Variants in WDR1 observed in about 807,000 individuals in gnomAD.
WDR1 encodes the protein WD repeat domain 1, also known as WD repeat-containing protein 1.
WDR1 carries 21 observed loss-of-function variants against 71.9 expected under a neutral mutation model. The observed-to-expected ratio is 0.29, with a 90% CI of 0.21 to 0.42. WDR1 has a LOEUF of 0.42. Ranked by LOEUF, WDR1 falls within the 10% of genes least tolerant of loss-of-function variation. The pLI is 1.00. For synonymous variants in WDR1, 424 were observed against 347.4 expected, an observed-to-expected ratio of 1.22 and a Z score of -2.45; for missense variants, 696 against 824.5, an observed-to-expected ratio of 0.84 and a Z score of 1.91.
chr4:10,089,722 T>A lies in WDR1; in HGVS notation c.559-981A>T, dbSNP rs114245057. ...TGCTCAGCAGGTACGAACACTAACC[T>A]TCAGGAAAAGCAATTCAACCCCAAG... On this transcript the variant is annotated intron_variant, in intron 5 of 14. Coordinates refer to ENST00000499869, the MANE Select transcript of WDR1 (RefSeq NM_017491.5). Among the ~76,000 whole-genome samples the A allele has an allele frequency of 4.1e-3, 618 of 152,254 alleles. 5 individuals carry two copies. Among genetic ancestry groups the A allele is most frequent in the African/African-American group, 0.014 (592 of 41,554 alleles).
chr4:10,079,468 C>G (rs188898275), intron 11 of WDR1, among the ~76,000 whole-genome samples: 1 of 152,366 alleles, frequency 6.6e-6, no homozygotes, highest in Admixed American at 6.5e-5. Context: ...TTATGCTGCA[C>G]GCCCAAGGCT....
chr4:10,098,050 G>A (rs62288520), intron 4 of WDR1, among the ~76,000 whole-genome samples, 159 bp from the exon 5 acceptor site: 25,002 of 152,084 alleles, frequency 0.16, 2,555 homozygotes, highest in Middle Eastern at 0.24. Flanking sequence ...GGGAAGCACT[G>A]GGGTTCTGGC....
chr4:10,110,268 C>A (rs1364146810), intron 2 of WDR1, among the ~76,000 whole-genome samples: 3 of 152,210 alleles, frequency 2.0e-5, no homozygotes, highest in African/African-American at 7.2e-5. Context: ...GCACACAGGG[C>A]CCTTTCCTGT....
At chr4:10,110,505 C>G (rs1713285007) in intron 2 of WDR1, among the ~76,000 whole-genome samples, 1 of 152,178 alleles carries the variant, frequency 6.6e-6, no homozygotes, top group African/African-American at 2.4e-5. Context: ...CTGAGAGGAC[C>G]CAGGTACACA....
rs1316000842 is a variant in WDR1 at position 10,116,002 on chromosome 4, C to A, written c.138+111G>T. The A allele has an allele frequency of 4.4e-5, 63 of 1,445,894 alleles. No individual in the cohort carries two copies. The Middle Eastern group carries it at 1.7e-3, about 40-fold the overall frequency. The allele number at this position is 1,445,894 out of a possible 1,614,324, so 89.6% of individuals were successfully genotyped here. Reference sequence around the variant, plus strand: ...CTCCCGGTAGAGGGGGCGTGGCGCCCTCACCCTCCCCGGGCCAATGGGCAG... The same window carrying A: ...CTCCCGGTAGAGGGGGCGTGGCGCCATCACCCTCCCCGGGCCAATGGGCAG... On this transcript the variant is annotated intron_variant, in intron 2 of 14. Transcript: ENST00000499869.
At chr4:10,084,213 A>G (rs1324803420) in intron 9 of WDR1, among the ~76,000 whole-genome samples, 3 of 152,138 alleles carry the variant, frequency 2.0e-5, no homozygotes, top group Non-Finnish European at 4.4e-5. Context: ...GGAGCCGCCC[A>G]TGGCTTTTCC....
intron 2 of WDR1, 42 bp from the exon 3 acceptor site, chr4:10,104,028 G>A: frequency 6.4e-7 from 1 of 1,553,064 alleles, no homozygotes; most frequent in Non-Finnish European, 8.7e-7. Context: ...GAATGGAGAA[G>A]CAGTCAAGCT....
At position 10,075,349 on chromosome 4, in the gene WDR1, G is replaced by A. The variant is rs757524112; in HGVS notation, c.*29C>T. On this transcript the variant is annotated 3_prime_UTR_variant, in exon 15 of 15. Coordinates refer to ENST00000499869, the MANE Select transcript of WDR1 (RefSeq NM_017491.5). The stretch of plus-strand genomic sequence containing the variant: ...GCAGTTAAACTCTAGTCCCTGATTC[G>A]GTCCATCCAGAGGCGGGGGTGGGGC... 4.1e-5 allele frequency: 66 copies of A among 1,598,512 alleles called. No homozygotes were observed. In the Middle Eastern group the frequency reaches 4.9e-4, roughly 12 times the overall value.
At chr4:10,095,543 CATGGAGAGCACG>C (rs1191092238) in intron 5 of WDR1, among the ~76,000 whole-genome samples, 11 of 152,186 alleles carry the variant, frequency 7.2e-5, no homozygotes, top group African/African-American at 2.2e-4. Flanking sequence ...TGGGGTTGGT[CATGGAGAGCACG>C]ACCGCAGCTT....
chr4:10,111,291 C>T (rs1432257747), intron 2 of WDR1, among the ~76,000 whole-genome samples: 1 of 152,182 alleles, frequency 6.6e-6, no homozygotes, highest in African/African-American at 2.4e-5. Flanking sequence ...CAGTAACAGC[C>T]CATAAGCACC....
At chr4:10,111,756 G>A (rs555885251) in intron 2 of WDR1, among the ~76,000 whole-genome samples, 7 of 152,244 alleles carry the variant, frequency 4.6e-5, no homozygotes, top group African/African-American at 1.7e-4. Context: ...AATGGTGGCA[G>A]CTCACACCAA....
rs1214364716 is a variant in WDR1, at chr4:10,098,950, C to A, written c.377+42G>T. On this transcript the variant is annotated intron_variant, in intron 4 of 14. Coordinates refer to ENST00000499869, the MANE Select transcript of WDR1 (RefSeq NM_017491.5). ...GGGTCATAGCACATGGACGCATGAGCCACAGCAACAGGGCAGGGAGGGGCT... is the reference window on the plus strand; with the variant it reads ...GGGTCATAGCACATGGACGCATGAGACACAGCAACAGGGCAGGGAGGGGCT... The A allele has an allele frequency of 3.1e-6, 5 of 1,612,342 alleles. No individual in the cohort carries two copies. The East Asian group carries it at 6.7e-5, about 22-fold the overall frequency.
At chr4:10,075,511 A>G in intron 14 of WDR1, 27 bp from the exon 15 acceptor site, 1 of 1,607,296 alleles carries the variant, frequency 6.2e-7, no homozygotes, top group Non-Finnish European at 8.5e-7. Flanking sequence ...CAATTTAACG[A>G]AAAGCCAAAC....
intron 9 of WDR1, 125 bp downstream of exon 9, chr4:10,084,318 G>T: frequency 1.2e-6 from 1 of 821,652 alleles, no homozygotes; most frequent in Non-Finnish European, 2.0e-6. Flanking sequence ...ACACGGGTCA[G>T]AAGAGCGTGT....
intron 10 of WDR1, among the ~76,000 whole-genome samples, chr4:10,082,763 G>A (rs1404488087): frequency 6.6e-6 from 1 of 152,234 alleles, no homozygotes; most frequent in Non-Finnish European, 1.5e-5. Context: ...GAACAGGGCT[G>A]TGATCTGCTG....
chr4:10,113,084 G>A (rs773481299), intron 2 of WDR1, among the ~76,000 whole-genome samples: 3 of 152,252 alleles, frequency 2.0e-5, no homozygotes, highest in Admixed American at 6.5e-5. Flanking sequence ...GGCCTAGTGT[G>A]GTGGCTCACG....
Position 10,074,986 on chromosome 4 carries a change from G to A in WDR1, c.*392C>T, listed in dbSNP as rs1023452091. ...TAGTACAGAAATGTTCTGCAGGCAGGAACATGAGCCCCCCGGCTCATTCAC... is the reference window on the plus strand; with the variant it reads ...TAGTACAGAAATGTTCTGCAGGCAGAAACATGAGCCCCCCGGCTCATTCAC... On this transcript the variant is annotated 3_prime_UTR_variant, in exon 15 of 15. Transcript: ENST00000499869. The A allele has an allele frequency of 1.1e-5, 3 of 276,088 alleles. No individual in the cohort carries two copies. The highest frequency in any genetic ancestry group is 6.5e-5 in the African/African-American group (3 of 46,130). The allele number at this position is 276,088 out of a possible 1,614,324, so 17.1% of individuals were successfully genotyped here. A position where few individuals can be genotyped will look rare whatever the true frequency, so the allele number is the denominator to read the frequency against.
intron 2 of WDR1, among the ~76,000 whole-genome samples, chr4:10,112,182 T>A (rs116615514): frequency 3.0e-4 from 46 of 152,152 alleles, no homozygotes; most frequent in African/African-American, 1.1e-3. Context: ...TTCACAGCCA[T>A]TGGGGGTGAC....
At chr4:10,112,010 T>C (rs1713402815) in intron 2 of WDR1, among the ~76,000 whole-genome samples, 1 of 152,116 alleles carries the variant, frequency 6.6e-6, no homozygotes, top group South Asian at 2.1e-4. Context: ...GCAAATCTGC[T>C]GGCTGCCTGG....
Sources: allele counts gnomAD v4.1 joint callset (sites outside exome capture counted in the v4.1 genomes callset), GRCh38; gene constraint gnomAD v4.1.1; transcripts MANE v1.5; gene names NCBI Gene and HGNC (gene_info 2026-07-23, HGNC 2026-07-21).